GALNT13: variants seen among roughly 807,000 people sequenced by gnomAD.
The protein encoded by GALNT13 is UDP-GalNAc:polypeptide N-acetylgalactosaminyltransferase 13.
Under a neutral mutation model 64.2 loss-of-function variants are expected in GALNT13, and 28 were observed. That is an observed-to-expected ratio of 0.44 (90% CI 0.32 to 0.60). GALNT13 has a LOEUF of 0.60. GALNT13 is among the 20% of genes least tolerant of loss of function. The probability of loss-of-function intolerance (pLI) is 0.05; values close to 1 mark genes in which losing one functional copy is unlikely to be tolerated. For synonymous variants in GALNT13, 214 were observed against 224.6 expected (o/e 0.95, Z 0.42); for missense variants, 577 against 669.8 (o/e 0.86, Z 1.53).
the GALNT13 span, among the ~76,000 whole-genome samples, chr2:153,369,008 T>C: frequency 4.6e-5 from 7 of 151,838 alleles, no homozygotes; most frequent in South Asian, 4.1e-4. Flanking sequence ...GTAGAATTAA[T>C]AGCAGAAAGA....
chr2:154,230,474 A>G (rs1411330530), intron 4 of GALNT13, among the ~76,000 whole-genome samples: 2 of 152,088 alleles, frequency 1.3e-5, no homozygotes. Flanking sequence ...TTTTACTTTT[A>G]TTATCATTTA....
the GALNT13 span, among the ~76,000 whole-genome samples, chr2:153,069,963 T>C: frequency 6.6e-6 from 1 of 152,170 alleles, no homozygotes; most frequent in Non-Finnish European, 1.5e-5. Flanking sequence ...GGAAGCTGTA[T>C]ACTAACTTCT....
chr2:154,417,631 C>A (rs553866348), intron 11 of GALNT13, among the ~76,000 whole-genome samples: 15 of 151,506 alleles, frequency 9.9e-5, no homozygotes, highest in African/African-American at 2.4e-4. Context: ...CTACCTCAGC[C>A]CCCCCGAGTA....
At chr2:153,663,584 T>C in the GALNT13 span, among the ~76,000 whole-genome samples, 2 of 152,198 alleles carry the variant, frequency 1.3e-5, no homozygotes, top group Non-Finnish European at 2.9e-5. Context: ...AATATGGCTG[T>C]GACAAACCTC....
the GALNT13 span, among the ~76,000 whole-genome samples, chr2:153,459,119 T>C: frequency 2.3e-3 from 345 of 152,158 alleles, 1 homozygote; most frequent in African/African-American, 7.9e-3. Context: ...AGGAAATTCA[T>C]GGATAAAATG....
At chr2:153,345,664 TTTCTTTC>T in the GALNT13 span, among the ~76,000 whole-genome samples, 1 of 142,460 alleles carries the variant, frequency 7.0e-6, no homozygotes, top group Non-Finnish European at 1.5e-5. Flanking sequence ...TCTTTCTTTC[TTTCTTTC>T]TTTCTTTCTT....
intron 4 of GALNT13, among the ~76,000 whole-genome samples, chr2:154,205,158 ATTAC>A (rs1573871955): frequency 6.6e-6 from 1 of 152,176 alleles, no homozygotes; most frequent in Non-Finnish European, 1.5e-5. Context: ...AAGACTTTAT[ATTAC>A]TTATTAAGGG....
chr2:153,604,063 C>A, the GALNT13 span, among the ~76,000 whole-genome samples: 15 of 151,968 alleles, frequency 9.9e-5, no homozygotes, highest in Admixed American at 3.3e-4. Flanking sequence ...GCATTACTTA[C>A]AATGTAAAGA....
the GALNT13 span, among the ~76,000 whole-genome samples, chr2:153,858,529 G>C: frequency 6.6e-6 from 1 of 152,102 alleles, no homozygotes; most frequent in African/African-American, 2.4e-5. Flanking sequence ...CCAAAAGTAG[G>C]TGAGTTCAGT....
At chr2:153,971,260 T>G (rs1480119139) in intron 3 of GALNT13, among the ~76,000 whole-genome samples, 1 of 152,076 alleles carries the variant, frequency 6.6e-6, no homozygotes, top group Non-Finnish European at 1.5e-5. Flanking sequence ...GGTAAATTGT[T>G]CCCCATCTCT....
intron 8 of GALNT13, among the ~76,000 whole-genome samples, chr2:154,281,269 C>T (rs1691945416): frequency 6.6e-6 from 1 of 152,032 alleles, no homozygotes. Flanking sequence ...TGACAGATGG[C>T]CTTACATTTT....
the GALNT13 span, among the ~76,000 whole-genome samples, chr2:153,824,626 C>T: frequency 6.6e-6 from 1 of 152,072 alleles, no homozygotes; most frequent in Non-Finnish European, 1.5e-5. Flanking sequence ...CCAAGATTTC[C>T]AGTCCCTGGT....
chr2:153,998,372 T>A (rs1695664518), intron 3 of GALNT13, among the ~76,000 whole-genome samples: 1 of 152,214 alleles, frequency 6.6e-6, no homozygotes, highest in African/African-American at 2.4e-5. Context: ...GTGGTTTTGA[T>A]TTGCATTTCT....
intron 9 of GALNT13, among the ~76,000 whole-genome samples, chr2:154,361,674 C>A (rs554303842): frequency 2.2e-4 from 33 of 152,180 alleles, no homozygotes; most frequent in African/African-American, 7.5e-4. Flanking sequence ...TTAACAGATG[C>A]TGCCTATTAC....
intron 3 of GALNT13, among the ~76,000 whole-genome samples, chr2:154,013,147 T>C (rs1696759151): frequency 6.6e-6 from 1 of 150,862 alleles, no homozygotes; most frequent in South Asian, 2.1e-4. Context: ...CCAAAGTTTT[T>C]ATGCTGTTTG....
At chr2:153,150,845 T>G in the GALNT13 span, among the ~76,000 whole-genome samples, 1 of 152,166 alleles carries the variant, frequency 6.6e-6, no homozygotes, top group Non-Finnish European at 1.5e-5. Flanking sequence ...TCTGTTTTGG[T>G]ATCAGTACCA....
At chr2:153,767,250 A>C in the GALNT13 span, among the ~76,000 whole-genome samples, 1 of 152,112 alleles carries the variant, frequency 6.6e-6, no homozygotes, top group Non-Finnish European at 1.5e-5. Flanking sequence ...AATGGCCTCT[A>C]GCTCTATCCA....
intron 9 of GALNT13, among the ~76,000 whole-genome samples, chr2:154,345,073 GACA>G (rs997981230): frequency 1.4e-4 from 22 of 151,932 alleles, no homozygotes; most frequent in African/African-American, 5.3e-4. Flanking sequence ...GGGGAATTGA[GACA>G]ACAAGGACAG....
chr2:154,436,668 A>G (rs775385510), intron 11 of GALNT13: 2 of 152,324 alleles, frequency 1.3e-5, no homozygotes, highest in Admixed American at 1.3e-4. Flanking sequence ...TGGGGAGGAT[A>G]TGAATATTTC....
Sources: allele counts gnomAD v4.1 joint callset (sites outside exome capture counted in the v4.1 genomes callset), GRCh38; gene constraint gnomAD v4.1.1; transcripts MANE v1.5; gene names NCBI Gene and HGNC (gene_info 2026-07-23, HGNC 2026-07-21).